GFRAL: variants seen among roughly 807,000 people sequenced by gnomAD.
The protein encoded by GFRAL is GDNF family receptor alpha like, also known as GDNF family receptor alpha-like.
A neutral mutation model predicts 45.4 loss-of-function variants in GFRAL; 36 were observed. That is an observed-to-expected ratio of 0.79 (90% CI 0.61 to 1.05). GFRAL has a LOEUF of 1.05. Among genes scored for constraint, GFRAL ranks in the 50% least tolerant of loss-of-function variants. GFRAL has a pLI of 0.00. For missense variants in GFRAL, 507 were observed against 467.5 expected (o/e 1.08, Z -0.78); for synonymous variants, 166 against 154.1 (o/e 1.08, Z -0.57).
intron 6 of GFRAL, among the ~76,000 whole-genome samples, chr6:55,376,257 T>G (rs562869539): frequency 6.6e-6 from 1 of 152,278 alleles, no homozygotes; most frequent in East Asian, 1.9e-4. Flanking sequence ...GGATTCGGTT[T>G]GCCAATATTT....
intron 6 of GFRAL, among the ~76,000 whole-genome samples, chr6:55,363,903 T>C (rs1426929086): frequency 1.3e-5 from 2 of 150,730 alleles, no homozygotes; most frequent in Non-Finnish European, 3.0e-5. Flanking sequence ...AACATACGTG[T>C]GCATGTGTCT....
rs542174129 is a variant in GFRAL, at chr6:55,332,339, G to A, written c.157+490G>A. Among the ~76,000 whole-genome samples the A allele has an allele frequency of 2.2e-3, 335 of 152,102 alleles. 1 individual carries two copies. The highest frequency in any genetic ancestry group is 7.4e-3 in the African/African-American group (307 of 41,510). On this transcript the variant is annotated intron_variant, in intron 2 of 8. Coordinates refer to ENST00000340465, the MANE Select transcript of GFRAL (RefSeq NM_207410.2). ...AAGCTATAGTTTTGTTTTTAACTTG[G>A]CCTACCTTCCAAACATTTGTGGGGA...
chr6:55,377,328 A>G (rs774809383), intron 6 of GFRAL, among the ~76,000 whole-genome samples: 1 of 152,038 alleles, frequency 6.6e-6, no homozygotes, highest in Non-Finnish European at 1.5e-5. Flanking sequence ...CCAATAACAC[A>G]TCAAATACCA....
intron 6 of GFRAL, among the ~76,000 whole-genome samples, chr6:55,362,809 C>G (rs998616715): frequency 6.6e-6 from 1 of 151,376 alleles, no homozygotes; most frequent in Non-Finnish European, 1.5e-5. Flanking sequence ...CATTCTGACC[C>G]AAAATATTCA....
At chr6:55,361,850 T>C (rs1768280716) in intron 6 of GFRAL, among the ~76,000 whole-genome samples, 1 of 152,036 alleles carries the variant, frequency 6.6e-6, no homozygotes, top group Admixed American at 6.6e-5. Flanking sequence ...CTTTCTTTAC[T>C]TGAAAGGGTC....
intron 6 of GFRAL, among the ~76,000 whole-genome samples, chr6:55,368,145 T>C (rs930203315): frequency 1.1e-4 from 17 of 150,732 alleles, no homozygotes; most frequent in Admixed American, 9.9e-4. Flanking sequence ...TCATTTCTTT[T>C]TATTCTTTTT....
At chr6:55,328,483 G>A (rs12193282) in intron 1 of GFRAL, among the ~76,000 whole-genome samples, 3 of 151,812 alleles carry the variant, frequency 2.0e-5, no homozygotes, top group Non-Finnish European at 4.4e-5. Flanking sequence ...AACAAGTTAA[G>A]AAGGAGAGAA....
At chr6:55,362,126 A>T (rs1385303295) in intron 6 of GFRAL, among the ~76,000 whole-genome samples, 2 of 151,982 alleles carry the variant, frequency 1.3e-5, no homozygotes, top group African/African-American at 4.8e-5. Context: ...GAAGTTTCAA[A>T]AACACTTTCT....
Position 55,376,442 on chromosome 6 carries a change from T to C in GFRAL, c.952+17304T>C, listed in dbSNP as rs145239047. Among the ~76,000 whole-genome samples, 72 of 152,280 alleles carry C rather than the reference T, an allele frequency of 4.7e-4. No homozygotes were observed. In the East Asian group the frequency reaches 9.8e-3, roughly 21 times the overall value. The stretch of plus-strand genomic sequence containing the variant: ...TAGTTTCAGTAGAAATGGTACCAGC[T>C]CTTCTTTGTACCTCTGGTAGGATTC... On this transcript the variant is annotated intron_variant, in intron 6 of 8. Transcript: ENST00000340465.
intron 6 of GFRAL, among the ~76,000 whole-genome samples, chr6:55,389,685 G>T (rs553973300): frequency 9.2e-5 from 14 of 152,016 alleles, no homozygotes; most frequent in Non-Finnish European, 1.8e-4. Context: ...GAAGTCAAAG[G>T]CTGACCCCTT....
intron 1 of GFRAL, 123 bp from the exon 2 acceptor site, chr6:55,331,592 C>T (rs1767830064): frequency 4.1e-6 from 3 of 734,346 alleles, no homozygotes; most frequent in Non-Finnish European, 6.3e-6. Context: ...GTTATTCCCA[C>T]CATCAATTAT....
At chr6:55,386,858 A>G (rs954659407) in intron 6 of GFRAL, among the ~76,000 whole-genome samples, 2 of 152,142 alleles carry the variant, frequency 1.3e-5, no homozygotes, top group South Asian at 4.1e-4. Flanking sequence ...CAGACCTGAA[A>G]CACTGCATAT....
chr6:55,348,855 A>G (rs1245909105), intron 3 of GFRAL, among the ~76,000 whole-genome samples: 1 of 152,140 alleles, frequency 6.6e-6, no homozygotes, highest in African/African-American at 2.4e-5. Flanking sequence ...TCTACACAGT[A>G]GTTTCTTGAA....
intron 6 of GFRAL, among the ~76,000 whole-genome samples, chr6:55,367,675 G>A (rs1170578565): frequency 1.3e-5 from 2 of 149,294 alleles, no homozygotes; most frequent in East Asian, 1.9e-4. Context: ...TGTCTGTAAA[G>A]TATTTTATTT....
Position 55,350,134 on chromosome 6 carries a change from G to A in GFRAL, c.359G>A (p.Arg120His). ...AAATTCAAATGGAATCTAACTACACGTTCCCATCATGGTAATGTTTTTAAG... is the reference window on the plus strand; with the variant it reads ...AAATTCAAATGGAATCTAACTACACATTCCCATCATGGTAATGTTTTTAAG... Reference protein sequence around the residue: ...EDKFKWNLTTRSHHGFKGMWS... With the variant: ...EDKFKWNLTTHSHHGFKGMWS... The change falls in exon 4 of 9, where the codon CGT becomes CAT. Residue 120 changes from arginine (R) to histidine (H), a missense_variant. Transcript: ENST00000340465. The A allele has an allele frequency of 7.2e-6, 11 of 1,527,968 alleles. No individual in the cohort carries two copies. The highest frequency in any genetic ancestry group is 1.8e-4 in the Middle Eastern group (1 of 5,488). The allele number at this position is 1,527,968 out of a possible 1,614,324, so 94.7% of individuals were successfully genotyped here. A position where few individuals can be genotyped will look rare whatever the true frequency, so the allele number is the denominator to read the frequency against.
At chr6:55,341,088 C>T (rs1203501523) in intron 3 of GFRAL, among the ~76,000 whole-genome samples, 1 of 152,214 alleles carries the variant, frequency 6.6e-6, no homozygotes, top group African/African-American at 2.4e-5. Context: ...GTAGACTCCA[C>T]CTCTGTGGGC....
At chr6:55,331,691 T>A in intron 1 of GFRAL, 24 bp from the exon 2 acceptor site, 1 of 1,590,394 alleles carries the variant, frequency 6.3e-7, no homozygotes, top group Non-Finnish European at 8.5e-7. Context: ...TATTACAACC[T>A]TGTTTTTGTT....
At chr6:55,380,608 A>C (rs1768595621) in intron 6 of GFRAL, among the ~76,000 whole-genome samples, 1 of 151,966 alleles carries the variant, frequency 6.6e-6, no homozygotes, top group Admixed American at 6.6e-5. Flanking sequence ...CATAGGTCCC[A>C]GATCCTCTTT....
intron 5 of GFRAL, among the ~76,000 whole-genome samples, chr6:55,353,837 G>A (rs1198990700): frequency 6.6e-6 from 1 of 151,974 alleles, no homozygotes; most frequent in East Asian, 1.9e-4. Flanking sequence ...TGAAATCAAT[G>A]AAATATGAAA....
Sources: gnomAD v4.1 joint callset for allele counts (sites outside exome capture counted in the v4.1 genomes callset) on GRCh38, gnomAD v4.1.1 for gene constraint, MANE v1.5 for transcripts, NCBI Gene and HGNC (gene_info 2026-07-23, HGNC 2026-07-21) for gene names.